Variants in MS4A13 observed in about 807,000 individuals in gnomAD.
MS4A13 encodes membrane-spanning 4-domains subfamily A member 13.
A neutral mutation model predicts 18.4 loss-of-function variants in MS4A13; 21 were observed. The observed-to-expected ratio is 1.14, with a 90% CI of 0.81 to 1.64. The LOEUF (loss-of-function observed/expected upper bound fraction) is 1.64. Ranked by LOEUF, MS4A13 falls within the 40% of genes most tolerant of loss-of-function variation. MS4A13 has a pLI of 0.00. For missense variants in MS4A13, 173 were observed against 176.8 expected, an observed-to-expected ratio of 0.98 and a Z score of 0.12; for synonymous variants, 62 against 57.2, an observed-to-expected ratio of 1.08 and a Z score of -0.38.
intron 6 of MS4A13, among the ~76,000 whole-genome samples, chr11:60,539,727 C>T (rs1369293163): frequency 6.6e-6 from 1 of 152,000 alleles, no homozygotes; most frequent in Non-Finnish European, 1.5e-5. Flanking sequence ...CAAGACTCTT[C>T]ATATATAAGG....
In MS4A13 at chr11:60,525,573, G is replaced by A. The variant is rs1410735642; in HGVS notation, c.306+247G>A. 3.3e-5 allele frequency among the ~76,000 whole-genome samples: 5 copies of A among 152,118 alleles called. No individual in the cohort carries two copies. The East Asian group carries it at 7.7e-4, about 23-fold the overall frequency. On this transcript the variant is annotated intron_variant, in intron 5 of 6. Transcript: ENST00000378186. Reference sequence around the variant, plus strand: ...GAGTAAAAATTTGAAAGCTTCAGTGGCAAGTGTCTATGTATTAGGCACAGA... The same window carrying A: ...GAGTAAAAATTTGAAAGCTTCAGTGACAAGTGTCTATGTATTAGGCACAGA...
chr11:60,516,880 T>C (rs1349152821), intron 2 of MS4A13, among the ~76,000 whole-genome samples: 1 of 152,192 alleles, frequency 6.6e-6, no homozygotes, highest in Non-Finnish European at 1.5e-5. Flanking sequence ...CAAGCTCACT[T>C]ACTTTTTTAA....
chr11:60,525,151 T>A, intron 4 of MS4A13, 56 bp from the exon 5 acceptor site: 1 of 1,384,744 alleles, frequency 7.2e-7, no homozygotes, highest in South Asian at 1.2e-5. Context: ...ATGCAAACTA[T>A]TACACCAAAA....
intron 5 of MS4A13, among the ~76,000 whole-genome samples, chr11:60,526,163 C>A (rs1381131046): frequency 1.3e-5 from 2 of 152,040 alleles, no homozygotes; most frequent in East Asian, 3.9e-4. Context: ...AGAACAAAAC[C>A]CTGGAGGACA....
intron 3 of MS4A13, among the ~76,000 whole-genome samples, chr11:60,522,736 G>T (rs1181999382): frequency 6.6e-6 from 1 of 152,068 alleles, no homozygotes; most frequent in Admixed American, 6.5e-5. Context: ...CATAAATAAT[G>T]CACTGGTTCA....
chr11:60,524,118 A>T (rs1436139130), intron 4 of MS4A13, among the ~76,000 whole-genome samples, 165 bp downstream of exon 4: 1 of 152,174 alleles, frequency 6.6e-6, no homozygotes, highest in Non-Finnish European at 1.5e-5. Flanking sequence ...AATATAGACA[A>T]ATATACTGTA....
At chr11:60,529,300 C>A in intron 5 of MS4A13, 65 bp from the exon 6 acceptor site, 1 of 530,926 alleles carries the variant, frequency 1.9e-6, no homozygotes. Flanking sequence ...TAGCTCCTTC[C>A]ATGATCATGT....
intron 6 of MS4A13, among the ~76,000 whole-genome samples, chr11:60,536,952 C>A (rs1201154478): frequency 8.3e-6 from 1 of 119,800 alleles, no homozygotes; most frequent in East Asian, 2.9e-4. Flanking sequence ...ATAAATGGTG[C>A]TGGGATAACT....
chr11:60,539,344 A>G (rs2086837901), intron 6 of MS4A13, among the ~76,000 whole-genome samples: 2 of 152,062 alleles, frequency 1.3e-5, no homozygotes, highest in African/African-American at 4.8e-5. Context: ...ACTGAAATGA[A>G]AAACCACTAG....
rs992184842 is a variant in MS4A13 at position 60,526,045 on chromosome 11, C to T, written c.306+719C>T. 5.9e-5 allele frequency among the ~76,000 whole-genome samples: 9 copies of T among 152,096 alleles called. 1 individual carries two copies. The South Asian group carries it at 1.5e-3, about 25-fold the overall frequency. On this transcript the variant is annotated intron_variant, in intron 5 of 6. Coordinates refer to ENST00000378186, the MANE Select transcript of MS4A13 (RefSeq NM_001012417.3). ...TAACAATTTCAGTAATGAGTAGAAG[C>T]GTCATTACAGGTGAAGGATAAACTT...
chr11:60,538,179 AAAAAAAAAAAAAC>A (rs1440117128), intron 6 of MS4A13, among the ~76,000 whole-genome samples: 16 of 143,328 alleles, frequency 1.1e-4, no homozygotes, highest in Non-Finnish European at 1.8e-4. Context: ...AAGTATAATA[AAAAAAAAAAAAAC>A]GAAAAAAAAA....
At chr11:60,536,871 G>A (rs1162574338) in intron 6 of MS4A13, among the ~76,000 whole-genome samples, 10 of 103,418 alleles carry the variant, frequency 9.7e-5, no homozygotes, top group African/African-American at 3.5e-4. Context: ...AAATAATGCC[G>A]CATATCTACA....
At chr11:60,530,939 C>T (rs995041514) in intron 6 of MS4A13, among the ~76,000 whole-genome samples, 9 of 152,170 alleles carry the variant, frequency 5.9e-5, no homozygotes, top group South Asian at 4.1e-4. Context: ...CTTTGCCTTA[C>T]GCCATCATTG....
intron 2 of MS4A13, among the ~76,000 whole-genome samples, chr11:60,516,720 T>C (rs921983713): frequency 2.0e-5 from 3 of 152,190 alleles, no homozygotes; most frequent in African/African-American, 7.2e-5. Context: ...GGAACTCATA[T>C]TGATTCTAGA....
At chr11:60,523,308 A>G (rs1335437993) in intron 3 of MS4A13, among the ~76,000 whole-genome samples, 2 of 152,232 alleles carry the variant, frequency 1.3e-5, no homozygotes, top group Non-Finnish European at 2.9e-5. Context: ...TCTTCAAACA[A>G]TATGGCATAG....
At chr11:60,524,661 AC>A (rs1351620528) in intron 4 of MS4A13, among the ~76,000 whole-genome samples, 13 of 99,994 alleles carry the variant, frequency 1.3e-4, no homozygotes, top group African/African-American at 4.0e-4. Context: ...AAAACACAAT[AC>A]TTTTTTTTTT....
At chr11:60,528,323 T>C (rs1239248687) in intron 5 of MS4A13, among the ~76,000 whole-genome samples, 5 of 152,210 alleles carry the variant, frequency 3.3e-5, no homozygotes, top group African/African-American at 1.2e-4. Context: ...TTCCTTCGTT[T>C]TTCTCAGTCC....
Position 60,518,113 on chromosome 11 carries a change from G to A in MS4A13, c.30G>A (p.Trp10Ter). Residue 10 changes from tryptophan (W) to a stop codon, truncating the protein, a stop_gained, in exon 3 of 7, where the codon TGG becomes TGA. Transcript: ENST00000378186. LOFTEE classifies it high-confidence loss of function. Reference protein sequence around the residue: MIGIFHIFMWYFLLVLYMGQ... With the variant: MIGIFHIFM ...TTGGCATCTTTCACATTTTCATGTG[G>A]TACTTTCTATTGGTTTTGTATATGG... 2 of 1,606,086 alleles carry A rather than the reference G, an allele frequency of 1.2e-6. No individual in the cohort carries two copies. Among genetic ancestry groups the A allele is most frequent in the Non-Finnish European group, 1.7e-6 (2 of 1,173,916 alleles).
chr11:60,535,403 C>G (rs2086800540), intron 6 of MS4A13, among the ~76,000 whole-genome samples: 1 of 124,210 alleles, frequency 8.1e-6, no homozygotes, highest in South Asian at 2.9e-4. Flanking sequence ...CACCTCTACG[C>G]AAATAAACTA....
Sources: gnomAD v4.1 joint callset for allele counts (sites outside exome capture counted in the v4.1 genomes callset) on GRCh38, gnomAD v4.1.1 for gene constraint, MANE v1.5 for transcripts, NCBI Gene and HGNC (gene_info 2026-07-23, HGNC 2026-07-21) for gene names.